Variants in CTDSPL2 observed in about 807,000 individuals in gnomAD.
CTDSPL2 encodes the protein CTD small phosphatase like 2, also known as CTD small phosphatase-like protein 2.
CTDSPL2 carries 5 observed loss-of-function variants against 60.0 expected under a neutral mutation model. That is an observed-to-expected ratio of 0.08 (90% confidence interval 0.04 to 0.18). The LOEUF (loss-of-function observed/expected upper bound fraction) is 0.18. Ranked by LOEUF, CTDSPL2 falls within the 10% of genes least tolerant of loss-of-function variation. The pLI is 1.00. For missense variants in CTDSPL2, 370 were observed against 548.8 expected, an observed-to-expected ratio of 0.67 and a Z score of 3.26; for synonymous variants, 186 against 189.3, an observed-to-expected ratio of 0.98 and a Z score of 0.14.
rs373006109 is a variant in CTDSPL2 at position 44,521,450 on chromosome 15, A to G, written c.1335+44A>G. 7.2e-4 allele frequency: 723 copies of G among 999,562 alleles called. 7 individuals carry two copies. The highest frequency in any genetic ancestry group is 6.5e-4 in the Admixed American group (30 of 46,402). The allele number at this position is 999,562 out of a possible 1,614,324, so 61.9% of individuals were successfully genotyped here. A position where few individuals can be genotyped will look rare whatever the true frequency, so the allele number is the denominator to read the frequency against. On this transcript the variant is annotated intron_variant, in intron 12 of 12. Coordinates refer to ENST00000260327, the MANE Select transcript of CTDSPL2 (RefSeq NM_016396.3). ...TTTCTGTTGTGTTTTTGTTAGCTCA[A>G]CTATATTGAAATAAATATTTTTAAA...
At chr15:44,462,580 C>T (rs984256281) in intron 2 of CTDSPL2, among the ~76,000 whole-genome samples, 9 of 151,886 alleles carry the variant, frequency 5.9e-5, no homozygotes, top group East Asian at 1.9e-4. Flanking sequence ...AGGGCTTAGG[C>T]AGTAATGCTT....
chr15:44,489,277 G>A (rs1302607027), intron 4 of CTDSPL2, among the ~76,000 whole-genome samples: 2 of 151,994 alleles, frequency 1.3e-5, no homozygotes, highest in Non-Finnish European at 2.9e-5. Context: ...TGTTGGTTAC[G>A]TTGATTCAAG....
intron 1 of CTDSPL2, among the ~76,000 whole-genome samples, chr15:44,433,467 C>T (rs796970347): frequency 0.031 from 4,652 of 151,020 alleles, 93 homozygotes; most frequent in East Asian, 0.094. Flanking sequence ...TATACACACA[C>T]ACACACACAC....
At chr15:44,459,829 G>C (rs1567071715) in intron 2 of CTDSPL2, among the ~76,000 whole-genome samples, 1 of 152,098 alleles carries the variant, frequency 6.6e-6, no homozygotes, top group Non-Finnish European at 1.5e-5. Context: ...GTCTAGGGAG[G>C]TGATGTCTCT....
intron 5 of CTDSPL2, among the ~76,000 whole-genome samples, chr15:44,491,554 T>A (rs1460958373): frequency 6.6e-6 from 1 of 152,196 alleles, no homozygotes; most frequent in Non-Finnish European, 1.5e-5. Flanking sequence ...TACCTCTGAG[T>A]ACTGTGGTGG....
chr15:44,442,903 G>A (rs1415783908), intron 1 of CTDSPL2, among the ~76,000 whole-genome samples: 1 of 151,960 alleles, frequency 6.6e-6, no homozygotes, highest in Non-Finnish European at 1.5e-5. Context: ...TTGAGCCTGG[G>A]ACGTTGAGGC....
intron 3 of CTDSPL2, among the ~76,000 whole-genome samples, chr15:44,485,708 A>G (rs61501839): frequency 6.6e-5 from 10 of 152,156 alleles, no homozygotes; most frequent in African/African-American, 2.2e-4. Context: ...AGTATGGAGT[A>G]CTGTTTTAAC....
At chr15:44,455,827 A>G (rs948510863) in intron 1 of CTDSPL2, among the ~76,000 whole-genome samples, 4 of 82,578 alleles carry the variant, frequency 4.8e-5, no homozygotes, top group Admixed American at 1.3e-4. Flanking sequence ...GTTTGCCAGT[A>G]TTTTATTGAG....
chr15:44,470,869 GTCA>G (rs1160470377), intron 2 of CTDSPL2, among the ~76,000 whole-genome samples: 1 of 151,512 alleles, frequency 6.6e-6, no homozygotes, highest in Admixed American at 6.6e-5. Flanking sequence ...TTCCTTTCCT[GTCA>G]TTTGAGTGAA....
At chr15:44,469,045 T>C (rs1444450499) in intron 2 of CTDSPL2, among the ~76,000 whole-genome samples, 1 of 152,174 alleles carries the variant, frequency 6.6e-6, no homozygotes, top group African/African-American at 2.4e-5. Flanking sequence ...GGCCCCAGAG[T>C]ACAAGACTAG....
intron 6 of CTDSPL2, 53 bp from the exon 7 acceptor site, chr15:44,496,974 T>G: frequency 9.8e-7 from 1 of 1,021,688 alleles, no homozygotes; most frequent in East Asian, 2.5e-5. Context: ...TTAGTAATGT[T>G]CTATATGTAT....
intron 4 of CTDSPL2, among the ~76,000 whole-genome samples, chr15:44,488,845 C>T (rs923845689): frequency 2.6e-5 from 4 of 151,928 alleles, no homozygotes; most frequent in African/African-American, 9.7e-5. Flanking sequence ...ACAAAAAAAA[C>T]AAACCCCAGT....
chr15:44,499,014 A>G (rs554507747), intron 7 of CTDSPL2, among the ~76,000 whole-genome samples: 5 of 152,308 alleles, frequency 3.3e-5, no homozygotes, highest in African/African-American at 1.2e-4. Flanking sequence ...TGATTGTAAA[A>G]AAGTAGCATG....
At chr15:44,444,026 C>G (rs1223469527) in intron 1 of CTDSPL2, among the ~76,000 whole-genome samples, 1 of 151,804 alleles carries the variant, frequency 6.6e-6, no homozygotes, top group Admixed American at 6.6e-5. Context: ...CCTCAGCTTC[C>G]CAAGTAGTAG....
intron 1 of CTDSPL2, chr15:44,448,636 C>T (rs1727277918): frequency 3.2e-6 from 1 of 316,312 alleles, no homozygotes; most frequent in Non-Finnish European, 6.2e-6. Flanking sequence ...GGGGTCCCTC[C>T]TCCATTTCTC....
chr15:44,469,116 A>G (rs1404655868), intron 2 of CTDSPL2, among the ~76,000 whole-genome samples: 1 of 152,160 alleles, frequency 6.6e-6, no homozygotes, highest in East Asian at 1.9e-4. Flanking sequence ...TTATAATTCA[A>G]GGTTTATCAT....
At chr15:44,480,001 T>C (rs1267120981) in intron 2 of CTDSPL2, among the ~76,000 whole-genome samples, 1 of 152,216 alleles carries the variant, frequency 6.6e-6, no homozygotes, top group Non-Finnish European at 1.5e-5. Context: ...TGTCTTTTAT[T>C]TCTACCATGT....
chr15:44,432,369 G>T (rs2141253045), intron 1 of CTDSPL2, among the ~76,000 whole-genome samples: 1 of 151,464 alleles, frequency 6.6e-6, no homozygotes, highest in South Asian at 2.1e-4. Context: ...GCCCAGGCTG[G>T]AGTGCAGTGG....
intron 1 of CTDSPL2, among the ~76,000 whole-genome samples, chr15:44,453,676 T>G (rs950421369): frequency 6.6e-6 from 1 of 150,906 alleles, no homozygotes; most frequent in Non-Finnish European, 1.5e-5. Context: ...ACATGCGGTA[T>G]TTGGTTTTTT....
Sources: gnomAD v4.1 joint callset for allele counts (sites outside exome capture counted in the v4.1 genomes callset) on GRCh38, gnomAD v4.1.1 for gene constraint, MANE v1.5 for transcripts, NCBI Gene and HGNC (gene_info 2026-07-23, HGNC 2026-07-21) for gene names.